Variants in PLEKHA8 observed in about 807,000 individuals in gnomAD.
PLEKHA8 encodes the protein pleckstrin homology domain-containing family A member 8.
Under a neutral mutation model 68.2 loss-of-function variants are expected in PLEKHA8, and 36 were observed. The ratio of observed to expected loss-of-function variants is 0.53; its 90% CI spans 0.40 to 0.70. The LOEUF is 0.70. Among genes scored for constraint, PLEKHA8 ranks in the 30% least tolerant of loss-of-function variants. The pLI is 0.00. For missense variants in PLEKHA8, 505 were observed against 615.4 expected (o/e 0.82, Z 1.90); for synonymous variants, 211 against 216.1 (o/e 0.98, Z 0.20).
At chr7:30,051,667 A>G (rs1792419627) in intron 6 of PLEKHA8, among the ~76,000 whole-genome samples, 1 of 152,102 alleles carries the variant, frequency 6.6e-6, no homozygotes, top group Non-Finnish European at 1.5e-5. Flanking sequence ...TCTCTCAGAC[A>G]TACTTTATAA....
At chr7:30,047,781 T>C in intron 3 of PLEKHA8, 51 bp from the exon 4 acceptor site, 2 of 1,545,608 alleles carry the variant, frequency 1.3e-6, no homozygotes, top group Non-Finnish European at 1.8e-6. Flanking sequence ...TCCTAACTAG[T>C]AAATCAGTTG....
At chr7:30,030,912 T>C (rs1428023801) in intron 1 of PLEKHA8, among the ~76,000 whole-genome samples, 1 of 152,254 alleles carries the variant, frequency 6.6e-6, no homozygotes, top group Non-Finnish European at 1.5e-5. Context: ...TTTTTTTTCT[T>C]GTAGGTTTGC....
At chr7:30,113,901 C>CT (rs748202008) in intron 13 of PLEKHA8, among the ~76,000 whole-genome samples, 7,712 of 139,766 alleles carry the variant, frequency 0.055, 307 homozygotes, top group African/African-American at 0.073. Context: ...CAAAATATTA[C>CT]TTTTTTTTTT....
At chr7:30,059,979 C>T (rs771342684) in intron 9 of PLEKHA8, among the ~76,000 whole-genome samples, 4 of 147,850 alleles carry the variant, frequency 2.7e-5, no homozygotes, top group Non-Finnish European at 3.0e-5. Context: ...GTCAGGAGAT[C>T]GAGACCGTCT....
Position 30,060,870 on chromosome 7 carries a change from ATCTTT to A in PLEKHA8, c.1040-9_1040-5del, listed in dbSNP as rs750815069. 68 of 1,605,958 alleles carry A rather than the reference ATCTTT, an allele frequency of 4.2e-5. No individual in the cohort carries two copies. The African/African-American group carries it at 8.4e-4, about 20-fold the overall frequency. On this transcript the variant is annotated splice_polypyrimidine_tract_variant and intron_variant, in intron 9 of 13. Transcript: ENST00000449726. ...AATTGCTTTTTCAGAAATGTTTTTA[ATCTTT>A]TCTTCTAGACAAACTTGGCCCTACA...
chr7:30,045,069 T>G lies in PLEKHA8; in HGVS notation c.41-16T>G. On this transcript the variant is annotated splice_polypyrimidine_tract_variant and intron_variant, in intron 1 of 13. Transcript: ENST00000449726. ...ACAGGCAGTAATTGCAATGATGCTC[T>G]TGCTTTTGTTTTCAGGTTGGCAGCC... is the stretch of plus-strand genomic sequence containing the variant. 6.4e-7 allele frequency: 1 copy of G among 1,558,428 alleles called. No individual in the cohort carries two copies.
chr7:30,044,056 G>A (rs1281547762), intron 1 of PLEKHA8, among the ~76,000 whole-genome samples: 5 of 145,976 alleles, frequency 3.4e-5, no homozygotes, highest in Admixed American at 1.4e-4. Flanking sequence ...TTTTTGAGAC[G>A]GAGTCTCAAA....
intron 2 of PLEKHA8, among the ~76,000 whole-genome samples, chr7:30,045,518 A>G (rs1791884454): frequency 6.6e-6 from 1 of 152,188 alleles, no homozygotes; most frequent in Non-Finnish European, 1.5e-5. Flanking sequence ...TGCAGCATCA[A>G]ACACTTTTGT....
chr7:30,072,388 T>C (rs942043074), intron 12 of PLEKHA8, among the ~76,000 whole-genome samples: 1 of 152,230 alleles, frequency 6.6e-6, no homozygotes, highest in Non-Finnish European at 1.5e-5. Context: ...AATTTGAATA[T>C]GTAAAATTGA....
chr7:30,099,800 T>C (rs1795782225), intron 13 of PLEKHA8, among the ~76,000 whole-genome samples: 1 of 152,120 alleles, frequency 6.6e-6, no homozygotes. Flanking sequence ...ATAGAACAAC[T>C]AGATAACATA....
In PLEKHA8 at chr7:30,083,974, C is replaced by T. The variant is rs1435358141; in HGVS notation, c.*5187C>T. On this transcript the variant is annotated 3_prime_UTR_variant, in exon 14 of 14. Transcript: ENST00000449726. ...GCTCTAGAAGTACTTCTGTTGTTTCCTAGAAGGCTATGAGCCAGTTCCATG... is the reference window on the plus strand; with the variant it reads ...GCTCTAGAAGTACTTCTGTTGTTTCTTAGAAGGCTATGAGCCAGTTCCATG... 1.5e-5 allele frequency: 15 copies of T among 985,258 alleles called. No individual in the cohort carries two copies. The highest frequency in any genetic ancestry group is 1.8e-5 in the Non-Finnish European group (15 of 829,906). 61.0% of individuals were successfully genotyped at this position (985,258 alleles called of 1,614,324 possible).
Position 30,061,946 on chromosome 7 carries a change from A to G in PLEKHA8, c.1148A>G (p.Gln383Arg). ...ITNKEEFTTLQKIVLHEVEAD... is the reference protein window; with the variant it reads ...ITNKEEFTTLRKIVLHEVEAD... Reference sequence around the variant, plus strand: ...AACAAAGAAGAGTTTACCACTCTCCAGAAGATAGTGCTGCACGAAGTGGAG... The same window carrying G: ...AACAAAGAAGAGTTTACCACTCTCCGGAAGATAGTGCTGCACGAAGTGGAG... The change falls in exon 11 of 14, where the codon CAG becomes CGG. Residue 383 changes from glutamine (Q) to arginine (R), a missense_variant. Gln to Arg is a conservative substitution (Grantham distance 43, BLOSUM62 1). Coordinates refer to ENST00000449726, the MANE Select transcript of PLEKHA8 (RefSeq NM_001197026.2). 1 of 1,614,152 alleles carries G rather than the reference A, an allele frequency of 6.2e-7. No homozygotes were observed.
downstream of PLEKHA8, among the ~76,000 whole-genome samples, chr7:30,087,319 G>A (rs539773697): frequency 1.3e-5 from 2 of 152,174 alleles, no homozygotes; most frequent in South Asian, 4.2e-4. Context: ...TTTAGACCTG[G>A]CTCTCTGCTC....
chr7:30,077,716 C>T (rs1211530512), intron 13 of PLEKHA8, among the ~76,000 whole-genome samples: 1 of 152,096 alleles, frequency 6.6e-6, no homozygotes, highest in African/African-American at 2.4e-5. Flanking sequence ...TTCTCAAAGA[C>T]TTTCAAAGTA....
chr7:30,094,330 A>G (rs1442635384), downstream of PLEKHA8, among the ~76,000 whole-genome samples: 2 of 145,496 alleles, frequency 1.4e-5, no homozygotes, highest in East Asian at 2.0e-4. Flanking sequence ...GCTGGAGTGT[A>G]GTGGCGCAAT....
At chr7:30,070,763 C>T (rs1376358607) in intron 12 of PLEKHA8, among the ~76,000 whole-genome samples, 1 of 152,150 alleles carries the variant, frequency 6.6e-6, no homozygotes, top group Non-Finnish European at 1.5e-5. Context: ...CCAGGCTGGT[C>T]TTGAGCTCCC....
intron 1 of PLEKHA8, among the ~76,000 whole-genome samples, chr7:30,032,698 TG>T (rs1790757757): frequency 6.6e-6 from 1 of 152,136 alleles, no homozygotes; most frequent in South Asian, 2.1e-4. Context: ...ATTTCGGGGG[TG>T]GGAAGTGGGG....
chr7:30,051,985 T>C (rs1562865319), intron 6 of PLEKHA8, among the ~76,000 whole-genome samples: 1 of 151,716 alleles, frequency 6.6e-6, no homozygotes. Flanking sequence ...AATAAATAAA[T>C]AAATAAATAG....
chr7:30,028,519 A>G lies in PLEKHA8; in HGVS notation c.-244A>G, dbSNP rs1308958673. 1 of 365,614 alleles carries G rather than the reference A, an allele frequency of 2.7e-6. No individual in the cohort carries two copies. Among genetic ancestry groups the G allele is most frequent in the African/African-American group, 2.1e-5 (1 of 47,262 alleles). The allele number at this position is 365,614 out of a possible 1,614,324, so 22.6% of individuals were successfully genotyped here. ...CCCGGACCCGGGCCTCCTTGTGAAC[A>G]GCGTGCCGGCTTCGCCCCACGGGTT... On this transcript the variant is annotated 5_prime_UTR_variant, in exon 1 of 14. Coordinates refer to ENST00000449726, the MANE Select transcript of PLEKHA8 (RefSeq NM_001197026.2).
Sources: allele counts gnomAD v4.1 joint callset (sites outside exome capture counted in the v4.1 genomes callset), GRCh38; gene constraint gnomAD v4.1.1; transcripts MANE v1.5; gene names NCBI Gene and HGNC (gene_info 2026-07-23, HGNC 2026-07-21).